Variants in INPP4B observed in about 807,000 individuals in gnomAD.
INPP4B encodes the protein inositol polyphosphate-4-phosphatase type II B, also known as inositol polyphosphate 4-phosphatase type II.
INPP4B carries 55 observed loss-of-function variants against 122.5 expected under a neutral mutation model. The observed-to-expected ratio is 0.45, with a 90% CI of 0.36 to 0.56. INPP4B has a LOEUF of 0.56. Among genes scored for constraint, INPP4B ranks in the 20% least tolerant of loss-of-function variants. INPP4B has a pLI of 0.00. For missense variants in INPP4B, 1,000 were observed against 1,097.7 expected (o/e 0.91, Z 1.26); for synonymous variants, 403 against 388.7 (o/e 1.04, Z -0.43).
intron 1 of INPP4B, among the ~76,000 whole-genome samples, chr4:142,798,456 ATGT>A (rs1455552082): frequency 1.3e-5 from 2 of 151,994 alleles, no homozygotes; most frequent in African/African-American, 4.8e-5. Flanking sequence ...TACCTTAATA[ATGT>A]TCAAGTGAAG....
chr4:142,310,093 T>A (rs1209904303), intron 8 of INPP4B, among the ~76,000 whole-genome samples: 1 of 151,498 alleles, frequency 6.6e-6, no homozygotes, highest in African/African-American at 2.4e-5. Context: ...ATCATTCATA[T>A]CCTTCTCACA....
At chr4:142,409,914 G>A (rs1207093241) in intron 5 of INPP4B, among the ~76,000 whole-genome samples, 3 of 152,224 alleles carry the variant, frequency 2.0e-5, no homozygotes, top group Non-Finnish European at 2.9e-5. Context: ...TCTCACTGGA[G>A]AGTCCAGAGC....
chr4:142,206,518 T>C (rs1320397686), intron 14 of INPP4B, among the ~76,000 whole-genome samples: 1 of 152,076 alleles, frequency 6.6e-6, no homozygotes. Flanking sequence ...ATATATATGA[T>C]TGGTATGCAA....
At chr4:142,159,928 C>T (rs368102255) in intron 17 of INPP4B, among the ~76,000 whole-genome samples, 2 of 152,070 alleles carry the variant, frequency 1.3e-5, no homozygotes, top group African/African-American at 2.4e-5. Flanking sequence ...TGTCTATTGT[C>T]GTTTAAATGT....
intron 2 of INPP4B, among the ~76,000 whole-genome samples, chr4:142,481,093 C>T (rs969871755): frequency 4.7e-5 from 7 of 147,484 alleles, no homozygotes; most frequent in Non-Finnish European, 7.4e-5. Flanking sequence ...CAAGATCGCA[C>T]CACTGCACTC....
intron 7 of INPP4B, among the ~76,000 whole-genome samples, chr4:142,384,951 C>G (rs1579915613): frequency 6.6e-6 from 1 of 152,140 alleles, no homozygotes; most frequent in Non-Finnish European, 1.5e-5. Context: ...TTTATGGCTG[C>G]ATGGCTGCAT....
chr4:142,659,975 G>A (rs184187168), intron 2 of INPP4B, among the ~76,000 whole-genome samples: 7 of 151,156 alleles, frequency 4.6e-5, no homozygotes, highest in Admixed American at 1.3e-4. Context: ...AGGATCCAGA[G>A]GCAGATAACA....
At chr4:142,839,824 A>T (rs1783262502) in intron 1 of INPP4B, among the ~76,000 whole-genome samples, 1 of 147,186 alleles carries the variant, frequency 6.8e-6, no homozygotes, top group South Asian at 2.1e-4. Context: ...AAAACCTTTT[A>T]AAAAAGGAAA....
chr4:142,327,886 C>G (rs1773014742), intron 7 of INPP4B, among the ~76,000 whole-genome samples: 1 of 152,172 alleles, frequency 6.6e-6, no homozygotes, highest in African/African-American at 2.4e-5. Context: ...GGGAATATTT[C>G]AACTTGAATC....
Position 142,158,315 on chromosome 4 carries a change from A to G in INPP4B, c.1563+2043T>C, listed in dbSNP as rs373781664. On this transcript the variant is annotated intron_variant, in intron 17 of 25. Transcript: ENST00000262992. ...CACATTCTTGCTGTATCCCATGTAC[A>G]TCTCTAAGGCTGCACTGCGATTGCT... Among the ~76,000 whole-genome samples, 8 of 152,160 alleles carry G rather than the reference A, an allele frequency of 5.3e-5. No individual in the cohort carries two copies. In the East Asian group the frequency reaches 7.8e-4, roughly 15 times the overall value.
In INPP4B at chr4:142,267,441, G is replaced by C. The variant is rs144049215; in HGVS notation, c.615+3222C>G. ...TATGGGCAATTCGTTTTCAACAAAGGTACCAAAAACACAGAATGGAGAAAG... is the reference window on the plus strand; with the variant it reads ...TATGGGCAATTCGTTTTCAACAAAGCTACCAAAAACACAGAATGGAGAAAG... On this transcript the variant is annotated intron_variant, in intron 10 of 25. Coordinates refer to ENST00000262992, the MANE Select transcript of INPP4B (RefSeq NM_001101669.3). 1.2e-4 allele frequency among the ~76,000 whole-genome samples: 18 copies of C among 152,190 alleles called. No individual in the cohort carries two copies. The East Asian group carries it at 3.5e-3, about 29-fold the overall frequency.
At chr4:142,813,621 G>T (rs940344224) in intron 1 of INPP4B, among the ~76,000 whole-genome samples, 3 of 152,114 alleles carry the variant, frequency 2.0e-5, no homozygotes, top group African/African-American at 7.2e-5. Flanking sequence ...CATAAAATAA[G>T]TTGGCAAAGC....
chr4:142,459,904 C>G (rs1224170567), intron 3 of INPP4B, among the ~76,000 whole-genome samples: 1 of 152,114 alleles, frequency 6.6e-6, no homozygotes, highest in Non-Finnish European at 1.5e-5. Context: ...TCTAGAACAT[C>G]TACAAGAAAA....
chr4:142,592,378 G>C (rs928077052), intron 2 of INPP4B, among the ~76,000 whole-genome samples: 7 of 152,006 alleles, frequency 4.6e-5, no homozygotes, highest in African/African-American at 1.4e-4. Flanking sequence ...ATTGACACTT[G>C]GCAGTCTTCT....
intron 7 of INPP4B, among the ~76,000 whole-genome samples, chr4:142,332,284 T>C (rs1413431785): frequency 6.6e-6 from 1 of 152,208 alleles, no homozygotes; most frequent in Non-Finnish European, 1.5e-5. Flanking sequence ...CCCTTTATTC[T>C]TGGCTTTATT....
rs543836623 is a variant in INPP4B, at chr4:142,622,299, G to A, written c.-191+103540C>T. 1.1e-4 allele frequency among the ~76,000 whole-genome samples: 16 copies of A among 151,318 alleles called. No individual in the cohort carries two copies. In the South Asian group the frequency reaches 3.1e-3, roughly 30 times the overall value. ...AAGTCAGGGGTTTCTTTATAATGCC[G>A]ATGTGAATCAACAGTAAAAGCTTCC... On this transcript the variant is annotated intron_variant, in intron 2 of 25. Transcript: ENST00000262992.
chr4:142,554,573 G>A (rs1402166577), intron 2 of INPP4B, among the ~76,000 whole-genome samples: 1 of 151,964 alleles, frequency 6.6e-6, no homozygotes, highest in East Asian at 1.9e-4. Context: ...ATTTGTTTTC[G>A]CTTCCCTTTC....
chr4:142,134,582 G>A (rs1803023321), intron 18 of INPP4B, among the ~76,000 whole-genome samples: 4 of 152,038 alleles, frequency 2.6e-5, no homozygotes, highest in African/African-American at 9.7e-5. Flanking sequence ...GATCACCTGA[G>A]GTCGGGAGTT....
At chr4:142,255,416 G>C (rs1294199830) in intron 11 of INPP4B, among the ~76,000 whole-genome samples, 6 of 152,114 alleles carry the variant, frequency 3.9e-5, no homozygotes, top group African/African-American at 1.4e-4. Flanking sequence ...TGGCAAATTG[G>C]ATAAAGAGTC....
Sources: gnomAD v4.1 joint callset for allele counts (sites outside exome capture counted in the v4.1 genomes callset) on GRCh38, gnomAD v4.1.1 for gene constraint, MANE v1.5 for transcripts, NCBI Gene and HGNC (gene_info 2026-07-23, HGNC 2026-07-21) for gene names.